CNBD1: variants seen among roughly 807,000 people sequenced by gnomAD.
The protein encoded by CNBD1 is cyclic nucleotide binding domain containing 1.
Under a neutral mutation model 54.4 loss-of-function variants are expected in CNBD1, and 71 were observed. The observed-to-expected ratio is 1.30, with a 90% CI of 1.08 to 1.59. The LOEUF is 1.59. CNBD1 is among the 40% of genes most tolerant of loss of function. The pLI is 0.00. For synonymous variants in CNBD1, 182 were observed against 170.7 expected, an observed-to-expected ratio of 1.07 and a Z score of -0.51; for missense variants, 659 against 518.0, an observed-to-expected ratio of 1.27 and a Z score of -2.64.
chr8:87,347,298 C>T (rs1810194208), intron 8 of CNBD1, among the ~76,000 whole-genome samples: 1 of 152,110 alleles, frequency 6.6e-6, no homozygotes, highest in Non-Finnish European at 1.5e-5. Context: ...TGAGCTTTTC[C>T]TTATGCTCAA....
chr8:87,330,230 T>C (rs1470488288), intron 8 of CNBD1, among the ~76,000 whole-genome samples: 3 of 115,244 alleles, frequency 2.6e-5, no homozygotes, highest in Non-Finnish European at 5.4e-5. Context: ...GTTCCTTCTC[T>C]CTTTTTTTTT....
At chr8:87,289,114 G>A (rs1184600818) in intron 8 of CNBD1, among the ~76,000 whole-genome samples, 2 of 152,044 alleles carry the variant, frequency 1.3e-5, no homozygotes, top group African/African-American at 4.8e-5. Flanking sequence ...TTGAAAATTA[G>A]CAGTAGTATG....
At chr8:87,052,664 G>A (rs1216099897) in intron 4 of CNBD1, among the ~76,000 whole-genome samples, 1 of 152,118 alleles carries the variant, frequency 6.6e-6, no homozygotes, top group African/African-American at 2.4e-5. Flanking sequence ...TCTTGGATGA[G>A]GAGGTTTTCT....
chr8:86,957,421 T>C (rs1445302227), intron 4 of CNBD1, among the ~76,000 whole-genome samples: 2 of 152,232 alleles, frequency 1.3e-5, no homozygotes, highest in East Asian at 3.8e-4. Flanking sequence ...CTCCTCTTTG[T>C]ACCTCTGGTA....
intron 4 of CNBD1, among the ~76,000 whole-genome samples, chr8:87,113,527 A>C (rs751399235): frequency 2.0e-4 from 30 of 152,222 alleles, no homozygotes; most frequent in Non-Finnish European, 4.1e-4. Context: ...TATGTTGACA[A>C]AGAAAGTAGA....
intron 5 of CNBD1, among the ~76,000 whole-genome samples, chr8:87,228,234 C>G (rs981862092): frequency 2.0e-5 from 3 of 150,864 alleles, no homozygotes; most frequent in Non-Finnish European, 4.4e-5. Flanking sequence ...GCCTTCTTCT[C>G]TCAGCTCGTC....
At chr8:87,225,863 C>A (rs1028734861) in intron 5 of CNBD1, among the ~76,000 whole-genome samples, 4 of 145,156 alleles carry the variant, frequency 2.8e-5, no homozygotes, top group Non-Finnish European at 4.4e-5. Context: ...GTGAATCCAT[C>A]TGGTCCAGGA....
At chr8:86,889,061 T>A (rs1266171150) in intron 2 of CNBD1, among the ~76,000 whole-genome samples, 1 of 152,170 alleles carries the variant, frequency 6.6e-6, no homozygotes, top group Admixed American at 6.5e-5. Context: ...CTAGTAAGTC[T>A]TATGTTTACT....
At chr8:87,308,927 T>A (rs1449625563) in intron 8 of CNBD1, among the ~76,000 whole-genome samples, 1 of 152,200 alleles carries the variant, frequency 6.6e-6, no homozygotes, top group Non-Finnish European at 1.5e-5. Context: ...CATTTAGTTA[T>A]TTTTTATACC....
chr8:87,162,543 G>T (rs1812879140), intron 4 of CNBD1, among the ~76,000 whole-genome samples: 3 of 152,016 alleles, frequency 2.0e-5, no homozygotes, highest in African/African-American at 7.2e-5. Context: ...AAAACATAGA[G>T]GTTTTGGATT....
chr8:87,234,846 C>T (rs1197247714), intron 5 of CNBD1, among the ~76,000 whole-genome samples: 1 of 152,160 alleles, frequency 6.6e-6, no homozygotes, highest in Non-Finnish European at 1.5e-5. Flanking sequence ...TTGACTTCTT[C>T]TCTCTTTTAG....
intron 4 of CNBD1, among the ~76,000 whole-genome samples, chr8:87,030,175 A>G (rs1809750390): frequency 6.6e-6 from 1 of 152,190 alleles, no homozygotes; most frequent in South Asian, 2.1e-4. Context: ...GGTAACTTTT[A>G]TGGCTGCTAG....
intron 4 of CNBD1, among the ~76,000 whole-genome samples, chr8:87,054,785 G>T (rs1049891680): frequency 3.3e-5 from 5 of 152,142 alleles, no homozygotes; most frequent in African/African-American, 1.2e-4. Context: ...CCAGCCCCAT[G>T]CAATGGCTAG....
intron 4 of CNBD1, among the ~76,000 whole-genome samples, chr8:87,183,938 C>T (rs1813417941): frequency 6.6e-6 from 1 of 152,142 alleles, no homozygotes; most frequent in African/African-American, 2.4e-5. Flanking sequence ...AGTTCACTGG[C>T]GACAACACTC....
At chr8:87,039,787 G>A (rs1810026174) in intron 4 of CNBD1, among the ~76,000 whole-genome samples, 1 of 152,164 alleles carries the variant, frequency 6.6e-6, no homozygotes, top group African/African-American at 2.4e-5. Flanking sequence ...GTGCTGACTG[G>A]TTGGGTTGGA....
chr8:86,994,201 C>G (rs575406483), intron 4 of CNBD1, among the ~76,000 whole-genome samples: 212 of 152,244 alleles, frequency 1.4e-3, no homozygotes, highest in Non-Finnish European at 1.6e-3. Context: ...CAGGCCATAG[C>G]TCCATCCTTC....
intron 4 of CNBD1, among the ~76,000 whole-genome samples, chr8:86,982,565 C>T (rs1301738649): frequency 6.6e-6 from 1 of 152,132 alleles, no homozygotes; most frequent in Non-Finnish European, 1.5e-5. Flanking sequence ...ATTGAATTAT[C>T]TTTGTAAGTT....
intron 6 of CNBD1, among the ~76,000 whole-genome samples, chr8:87,282,467 T>A (rs1469320721): frequency 2.0e-5 from 3 of 151,748 alleles, no homozygotes; most frequent in African/African-American, 7.2e-5. Context: ...TTCTTTACTC[T>A]TACTCTAAAT....
At chr8:87,066,697 A>T (rs1342409955) in intron 4 of CNBD1, among the ~76,000 whole-genome samples, 2 of 151,938 alleles carry the variant, frequency 1.3e-5, no homozygotes, top group East Asian at 3.8e-4. Flanking sequence ...ATATACTGAG[A>T]AAATCAAGTA....
Sources: gnomAD v4.1 joint callset for allele counts (sites outside exome capture counted in the v4.1 genomes callset) on GRCh38, gnomAD v4.1.1 for gene constraint, MANE v1.5 for transcripts, NCBI Gene and HGNC (gene_info 2026-07-23, HGNC 2026-07-21) for gene names.